The following CACNA2D1 variants were observed in gnomAD, a reference collection of about 807,000 sequenced individuals.
The protein encoded by CACNA2D1 is voltage-dependent calcium channel subunit alpha-2/delta-1.
In CACNA2D1, 53 loss-of-function variants were observed where a neutral mutation model predicts 171.5. The observed-to-expected ratio is 0.31, with a 90% CI of 0.25 to 0.39. The LOEUF is 0.39. CACNA2D1 is among the 10% of genes least tolerant of loss of function. CACNA2D1 has a pLI of 1.00. For synonymous variants in CACNA2D1, 442 were observed against 443.1 expected, an observed-to-expected ratio of 1.00 and a Z score of 0.03; for missense variants, 903 against 1,299.8, an observed-to-expected ratio of 0.69 and a Z score of 4.69.
intron 3 of CACNA2D1, among the ~76,000 whole-genome samples, chr7:82,284,794 A>T (rs971424170): frequency 4.8e-4 from 73 of 152,170 alleles, no homozygotes; most frequent in African/African-American, 1.6e-3. Context: ...GTGGAGAAAC[A>T]TCAACATTCA....
intron 38 of CACNA2D1, among the ~76,000 whole-genome samples, chr7:81,958,280 T>C (rs926169381): frequency 2.0e-5 from 3 of 152,076 alleles, no homozygotes; most frequent in African/African-American, 7.2e-5. Flanking sequence ...CATAATATTA[T>C]CTGTGAAAAT....
intron 35 of CACNA2D1, 149 bp downstream of exon 35, chr7:81,962,291 G>A: frequency 5.5e-6 from 4 of 721,614 alleles, no homozygotes; most frequent in Non-Finnish European, 7.3e-6. Flanking sequence ...AGGAAAGGTT[G>A]GACAAAAAGT....
In CACNA2D1 at chr7:82,084,852, A is replaced by G; in HGVS notation, c.575T>C (p.Val192Ala). 3 of 1,613,894 alleles carry G rather than the reference A, an allele frequency of 1.9e-6. No homozygotes were observed. Among genetic ancestry groups the G allele is most frequent in the Non-Finnish European group, 1.7e-6 (2 of 1,179,836 alleles). ...GTCTTCCTCGCGATTCTTTTTGAAA[A>G]CTTCATCTAAGGCACTTGTCCAGTT... is the stretch of plus-strand genomic sequence containing the variant. ...ELNWTSALDE[V>A]FKKNREEDPS... Residue 192 changes from valine to alanine, a missense_variant, in exon 7 of 39, where the codon GTT (valine) becomes GCT (alanine). Physicochemically the swap from Val to Ala is moderately conservative, Grantham distance 64 (BLOSUM62 0). Around this residue, in one of 5 missense-constraint regions of CACNA2D1, gnomAD observed 189 missense variants for 266.8 expected, o/e 0.71. Coordinates refer to ENST00000356860, the MANE Select transcript of CACNA2D1 (RefSeq NM_000722.4).
intron 6 of CACNA2D1, among the ~76,000 whole-genome samples, chr7:82,087,008 T>C (rs1810558510): frequency 6.6e-6 from 1 of 152,136 alleles, no homozygotes; most frequent in Non-Finnish European, 1.5e-5. Flanking sequence ...TAAGGTAGAT[T>C]TCAAAATATT....
At chr7:82,240,906 G>C (rs909471474) in intron 3 of CACNA2D1, among the ~76,000 whole-genome samples, 10 of 151,984 alleles carry the variant, frequency 6.6e-5, no homozygotes, top group African/African-American at 2.4e-4. Flanking sequence ...GGTGGAGGTT[G>C]CAGTGAGCCG....
At chr7:82,304,108 T>C (rs1040140115) in intron 3 of CACNA2D1, among the ~76,000 whole-genome samples, 1 of 151,958 alleles carries the variant, frequency 6.6e-6, no homozygotes, top group Non-Finnish European at 1.5e-5. Context: ...ACATCGCTAA[T>C]CATCAGGGAA....
chr7:82,314,820 C>T (rs545556292), intron 3 of CACNA2D1, among the ~76,000 whole-genome samples: 7 of 151,946 alleles, frequency 4.6e-5, no homozygotes, highest in African/African-American at 1.7e-4. Context: ...GTCATTATGC[C>T]AATGAAAATG....
chr7:82,238,505 G>A (rs879832870), intron 3 of CACNA2D1, among the ~76,000 whole-genome samples: 2 of 151,924 alleles, frequency 1.3e-5, no homozygotes, highest in African/African-American at 2.4e-5. Flanking sequence ...AATCATTAGG[G>A]AAATGCAAAC....
intron 3 of CACNA2D1, among the ~76,000 whole-genome samples, chr7:82,222,890 C>A (rs1037706040): frequency 2.7e-4 from 39 of 146,560 alleles, no homozygotes; most frequent in Non-Finnish European, 3.9e-4. Context: ...TTTATTTTTT[C>A]TTTCTTTCTT....
chr7:82,128,068 T>G (rs1415713548), intron 5 of CACNA2D1, among the ~76,000 whole-genome samples: 1 of 151,214 alleles, frequency 6.6e-6, no homozygotes, highest in African/African-American at 2.4e-5. Context: ...GGACTACAGG[T>G]GCACCCCACC....
Position 82,082,787 on chromosome 7 carries a change from C to T in CACNA2D1, c.658+1982G>A, listed in dbSNP as rs187666845. On this transcript the variant is annotated intron_variant, in intron 7 of 38. Transcript: ENST00000356860. ...TCTGCTAAATATCTAAATATGTTTTCCAAAATGAAGTGAACAAATGTCAAC... is the reference window on the plus strand; with the variant it reads ...TCTGCTAAATATCTAAATATGTTTTTCAAAATGAAGTGAACAAATGTCAAC... 2.6e-3 allele frequency among the ~76,000 whole-genome samples: 395 copies of T among 151,472 alleles called. 2 individuals carry two copies. Among genetic ancestry groups the T allele is most frequent in the African/African-American group, 8.7e-3 (361 of 41,330 alleles).
At chr7:82,256,499 A>C (rs1806325193) in intron 3 of CACNA2D1, among the ~76,000 whole-genome samples, 1 of 152,168 alleles carries the variant, frequency 6.6e-6, no homozygotes, top group Admixed American at 6.5e-5. Context: ...ATAGAGAAAT[A>C]CTGGTTATGA....
chr7:82,281,184 G>C (rs964821913), intron 3 of CACNA2D1, among the ~76,000 whole-genome samples: 2 of 152,198 alleles, frequency 1.3e-5, no homozygotes, highest in African/African-American at 2.4e-5. Flanking sequence ...GGAAAAGAGA[G>C]ATTTTTCTTC....
intron 1 of CACNA2D1, among the ~76,000 whole-genome samples, chr7:82,378,879 T>C (rs1037836935): frequency 3.3e-5 from 5 of 151,932 alleles, no homozygotes; most frequent in Non-Finnish European, 5.9e-5. Context: ...TCCTAGGTTT[T>C]AAGTTATATT....
intron 6 of CACNA2D1, among the ~76,000 whole-genome samples, chr7:82,111,473 G>T (rs1463286779): frequency 7.8e-4 from 90 of 115,634 alleles, no homozygotes; most frequent in African/African-American, 3.2e-3. Flanking sequence ...TTTGAGACAG[G>T]GTCTCACTCT....
At chr7:82,093,625 T>C (rs936143083) in intron 6 of CACNA2D1, among the ~76,000 whole-genome samples, 1 of 152,148 alleles carries the variant, frequency 6.6e-6, no homozygotes, top group African/African-American at 2.4e-5. Flanking sequence ...ATTTTTAATA[T>C]CTTATGTAAC....
intron 12 of CACNA2D1, among the ~76,000 whole-genome samples, chr7:82,027,146 G>C (rs1014727575): frequency 2.6e-5 from 4 of 151,510 alleles, no homozygotes; most frequent in Non-Finnish European, 4.4e-5. Flanking sequence ...CAGCACAAGA[G>C]GGATATAGTA....
intron 20 of CACNA2D1, among the ~76,000 whole-genome samples, chr7:81,993,005 G>C (rs1048516544): frequency 4.6e-5 from 7 of 152,196 alleles, no homozygotes; most frequent in African/African-American, 1.7e-4. Context: ...CATAAATTAA[G>C]TTGAAAAGTT....
At position 82,381,426 on chromosome 7, in the gene CACNA2D1, T is replaced by C. The variant is rs745776306; in HGVS notation, c.96-31777A>G. On this transcript the variant is annotated intron_variant, in intron 1 of 38. Coordinates refer to ENST00000356860, the MANE Select transcript of CACNA2D1 (RefSeq NM_000722.4). Reference sequence around the variant, plus strand: ...ATTTGTGACTACCTTTATCATTAGCTTGGTGAAGAGCAACGATATTTATGA... The same window carrying C: ...ATTTGTGACTACCTTTATCATTAGCCTGGTGAAGAGCAACGATATTTATGA... Among the ~76,000 whole-genome samples the C allele has an allele frequency of 2.0e-4, 31 of 152,274 alleles. 1 individual carries two copies. Among genetic ancestry groups the C allele is most frequent in the Non-Finnish European group, 3.2e-4 (22 of 68,016 alleles).
Sources: gnomAD v4.1 joint callset for allele counts (sites outside exome capture counted in the v4.1 genomes callset) on GRCh38, gnomAD v4.1.1 for gene constraint, gnomAD v4.1.1 regional missense constraint, MANE v1.5 for transcripts, NCBI Gene and HGNC (gene_info 2026-07-23, HGNC 2026-07-21) for gene names.